SQOR: variants seen among roughly 807,000 people sequenced by gnomAD.
The protein encoded by SQOR is sulfide quinone oxidoreductase.
A neutral mutation model predicts 48.6 loss-of-function variants in SQOR; 39 were observed. That is an observed-to-expected ratio of 0.80 (90% CI 0.62 to 1.05). The LOEUF is 1.05. SQOR is among the 50% of genes least tolerant of loss of function. The probability of loss-of-function intolerance (pLI) is 0.00; values close to 1 mark genes in which losing one functional copy is unlikely to be tolerated. For synonymous variants in SQOR, 220 were observed against 206.2 expected (o/e 1.07, Z -0.57); for missense variants, 561 against 559.9 (o/e 1.00, Z -0.02).
At chr15:45,655,373 C>G (rs988061367) in intron 1 of SQOR, among the ~76,000 whole-genome samples, 1 of 152,148 alleles carries the variant, frequency 6.6e-6, no homozygotes, top group African/African-American at 2.4e-5. Flanking sequence ...TGCTGTGATT[C>G]TATCATTCTG....
chr15:45,644,057 A>T (rs2140938646), intron 1 of SQOR, among the ~76,000 whole-genome samples: 1 of 152,248 alleles, frequency 6.6e-6, no homozygotes, highest in Admixed American at 6.5e-5. Context: ...ATTAAATTGC[A>T]TTTTAGAGAC....
At chr15:45,678,866 CTA>C (rs2140959261) in intron 6 of SQOR, among the ~76,000 whole-genome samples, 1 of 152,268 alleles carries the variant, frequency 6.6e-6, no homozygotes, top group South Asian at 2.1e-4. Context: ...CTCAAATGGG[CTA>C]TGAGTGAGAG....
At chr15:45,656,090 A>G (rs1889604730) in intron 1 of SQOR, among the ~76,000 whole-genome samples, 2 of 151,822 alleles carry the variant, frequency 1.3e-5, no homozygotes, top group Admixed American at 1.3e-4. Flanking sequence ...GTAGTGGTTT[A>G]AAGTAGAGGC....
At chr15:45,651,877 CCTTCTTCTT>C (rs922171295) in intron 1 of SQOR, among the ~76,000 whole-genome samples, 2 of 151,774 alleles carry the variant, frequency 1.3e-5, no homozygotes, top group Non-Finnish European at 1.5e-5. Context: ...TCCTCCTTCT[CCTTCTTCTT>C]CTTCTTCTTT....
At chr15:45,633,029 A>C (rs1049865656), upstream of SQOR, among the ~76,000 whole-genome samples, 1 of 151,934 alleles carries the variant, frequency 6.6e-6, no homozygotes, top group African/African-American at 2.4e-5. Context: ...AGGCTGAGGT[A>C]GGAGGACTGT....
intron 1 of SQOR, among the ~76,000 whole-genome samples, chr15:45,654,335 A>G (rs1175632440): frequency 6.6e-6 from 1 of 152,170 alleles, no homozygotes; most frequent in African/African-American, 2.4e-5. Context: ...GACATTTCTT[A>G]TAACACATTC....
At chr15:45,667,504 T>C (rs1472163101) in intron 3 of SQOR, among the ~76,000 whole-genome samples, 2 of 152,288 alleles carry the variant, frequency 1.3e-5, no homozygotes, top group Non-Finnish European at 1.5e-5. Flanking sequence ...AAAAGTCTTG[T>C]CTATAAGCTT....
At position 45,658,774 on chromosome 15, in the gene SQOR, A is replaced by G. The variant is rs1889662825; in HGVS notation, c.-17-133A>G. 1.4e-5 allele frequency: 9 copies of G among 633,626 alleles called. No homozygotes were observed. The South Asian group carries it at 2.1e-4, about 15-fold the overall frequency. 39.3% of individuals were successfully genotyped at this position (633,626 alleles called of 1,614,324 possible). ...CCTTGGGACCACAGCCAGTGGGGAA[A>G]GTGGTCTTGAGAGATGATGGGGACC... is the stretch of plus-strand genomic sequence containing the variant. On this transcript the variant is annotated intron_variant, in intron 1 of 9. Coordinates refer to ENST00000260324, the MANE Select transcript of SQOR (RefSeq NM_021199.4).
In SQOR at chr15:45,661,951, T is replaced by G; in HGVS notation, c.235-4T>G. 1 of 1,613,526 alleles carries G rather than the reference T, an allele frequency of 6.2e-7. No homozygotes were observed. The highest frequency in any genetic ancestry group is 8.5e-7 in the Non-Finnish European group (1 of 1,179,622). Reference sequence around the variant, plus strand: ...AATAAATCTTCAAATACTTTGTTTCTCAGAGACATTTCTACCAGCCAATCT... The same window carrying G: ...AATAAATCTTCAAATACTTTGTTTCGCAGAGACATTTCTACCAGCCAATCT... On this transcript the variant is annotated splice_polypyrimidine_tract_variant and splice_region_variant and intron_variant, in intron 2 of 9. Coordinates refer to ENST00000260324, the MANE Select transcript of SQOR (RefSeq NM_021199.4).
At chr15:45,640,176 C>T (rs1895079738) in intron 1 of SQOR, among the ~76,000 whole-genome samples, 1 of 152,144 alleles carries the variant, frequency 6.6e-6, no homozygotes, top group African/African-American at 2.4e-5. Context: ...CCTTGTTATT[C>T]TTTGCCACAA....
At chr15:45,646,578 T>C (rs1889344755) in intron 1 of SQOR, among the ~76,000 whole-genome samples, 1 of 152,226 alleles carries the variant, frequency 6.6e-6, no homozygotes, top group Non-Finnish European at 1.5e-5. Flanking sequence ...TATCTTGCTA[T>C]TATTGAAATA....
chr15:45,656,510 T>C (rs1313446238), intron 1 of SQOR, among the ~76,000 whole-genome samples: 1 of 151,744 alleles, frequency 6.6e-6, no homozygotes, highest in Non-Finnish European at 1.5e-5. Flanking sequence ...CATGCTAGTC[T>C]CAAACTCCTG....
Position 45,676,097 on chromosome 15 carries a change from TCAGA to T in SQOR, c.655_658del (p.Thr219GlyfsTer67). ...GGTGTGAATGGTTTTCTTATTTTTC[TCAGA>T]CAGGGAAGCGATCCAAGGCCAATAT... On this transcript the variant is annotated splice_acceptor_variant and splice_polypyrimidine_tract_variant and coding_sequence_variant and intron_variant, in exon 6 of 10. Coordinates refer to ENST00000260324, the MANE Select transcript of SQOR (RefSeq NM_021199.4). LOFTEE classifies it high-confidence loss of function. 2.5e-6 allele frequency: 4 copies of T among 1,609,998 alleles called. No individual in the cohort carries two copies. Among genetic ancestry groups the T allele is most frequent in the Admixed American group, 3.4e-5 (2 of 58,978 alleles).
upstream of SQOR, among the ~76,000 whole-genome samples, chr15:45,634,225 T>TATATA (rs1566912034): frequency 5.6e-5 from 7 of 125,868 alleles, no homozygotes; most frequent in African/African-American, 8.8e-5. Flanking sequence ...TATATATATA[T>TATATA]TCAAAATTCA....
chr15:45,649,602 C>G (rs1420705264), intron 1 of SQOR, among the ~76,000 whole-genome samples: 1 of 152,100 alleles, frequency 6.6e-6, no homozygotes, highest in Non-Finnish European at 1.5e-5. Flanking sequence ...GCCTCAGCCT[C>G]CTGAGTAGCT....
rs1014244960 is a variant in SQOR at position 45,676,147 on chromosome 15, G to C, written c.701G>C (p.Gly234Ala). The change falls in exon 6 of 10, where the codon GGA (glycine) becomes GCA (alanine). Residue 234 changes from glycine to alanine, a missense_variant. Physicochemically the swap from Gly to Ala is moderately conservative, Grantham distance 60. Coordinates refer to ENST00000260324, the MANE Select transcript of SQOR (RefSeq NM_021199.4). ...KANIIFNTSL[G>A]AIFGVKKYAD... is the part of the protein sequence containing the mutation. ...AATATCATTTTCAACACTTCTCTTG[G>C]AGCCATTTTCGGGGTTAAGAAGTAT... 2 of 1,614,024 alleles carry C rather than the reference G, an allele frequency of 1.2e-6. No individual in the cohort carries two copies. Among genetic ancestry groups the C allele is most frequent in the African/African-American group, 2.7e-5 (2 of 74,914 alleles).
chr15:45,687,214 C>T (rs908220818), intron 7 of SQOR, among the ~76,000 whole-genome samples: 4 of 152,090 alleles, frequency 2.6e-5, no homozygotes, highest in Non-Finnish European at 4.4e-5. Flanking sequence ...GCAACCTCCG[C>T]GATTCTCCTG....
intron 3 of SQOR, among the ~76,000 whole-genome samples, chr15:45,662,436 T>A (rs767823069): frequency 6.6e-6 from 1 of 152,228 alleles, no homozygotes; most frequent in Non-Finnish European, 1.5e-5. Flanking sequence ...CGTTGCTACA[T>A]GTTAAAATAG....
chr15:45,643,717 G>A (rs1895145907), intron 1 of SQOR, among the ~76,000 whole-genome samples: 2 of 152,328 alleles, frequency 1.3e-5, no homozygotes, highest in South Asian at 4.1e-4. Context: ...CAAATTCAGT[G>A]TAGGTATAAA....
Sources: gnomAD v4.1 joint callset for allele counts (sites outside exome capture counted in the v4.1 genomes callset) on GRCh38, gnomAD v4.1.1 for gene constraint, MANE v1.5 for transcripts, NCBI Gene and HGNC (gene_info 2026-07-23, HGNC 2026-07-21) for gene names.